MEP1A: variants seen among roughly 807,000 people sequenced by gnomAD.
MEP1A encodes the protein meprin A subunit alpha.
A neutral mutation model predicts 84.5 loss-of-function variants in MEP1A; 68 were observed. The ratio of observed to expected loss-of-function variants is 0.80; its 90% confidence interval spans 0.66 to 0.98. The LOEUF is 0.98. Ranked by LOEUF, MEP1A falls within the 50% of genes least tolerant of loss-of-function variation. The probability of loss-of-function intolerance (pLI) is 0.00; values close to 1 mark genes in which losing one functional copy is unlikely to be tolerated. For missense variants in MEP1A, 887 were observed against 919.9 expected (o/e 0.96, Z 0.46); for synonymous variants, 337 against 336.8 (o/e 1.00, Z -0.01).
intron 6 of MEP1A, among the ~76,000 whole-genome samples, chr6:46,813,009 A>G (rs1767541719): frequency 6.6e-6 from 1 of 151,976 alleles, no homozygotes; most frequent in African/African-American, 2.4e-5. Context: ...GTTAAAGTCC[A>G]TTGTTTCTTT....
chr6:46,818,317 G>A (rs1767687522), intron 6 of MEP1A, among the ~76,000 whole-genome samples: 1 of 152,132 alleles, frequency 6.6e-6, no homozygotes, highest in Non-Finnish European at 1.5e-5. Flanking sequence ...AGCCTTTGAA[G>A]GTATACTGTG....
At chr6:46,807,301 G>T (rs1457222547) in intron 5 of MEP1A, among the ~76,000 whole-genome samples, 1 of 151,678 alleles carries the variant, frequency 6.6e-6, no homozygotes, top group Non-Finnish European at 1.5e-5. Context: ...AGGGCAGTTG[G>T]CTAGGAACAA....
intron 7 of MEP1A, among the ~76,000 whole-genome samples, chr6:46,822,210 T>A (rs1280568296): frequency 6.6e-6 from 1 of 152,214 alleles, no homozygotes; most frequent in Admixed American, 6.5e-5. Context: ...GTTTAAGTAT[T>A]GTATATGGCT....
intron 7 of MEP1A, among the ~76,000 whole-genome samples, chr6:46,824,710 GATGTATTTAAATATATATAAATT>G (rs1413707865): frequency 2.6e-5 from 3 of 113,794 alleles, no homozygotes; most frequent in Admixed American, 9.3e-5. Context: ...TATTTAAATA[GATGTATTTAAATATATATAAATT>G]ATGTATTTAA....
chr6:46,797,428 A>T (rs1289696837), intron 3 of MEP1A, among the ~76,000 whole-genome samples: 2 of 152,238 alleles, frequency 1.3e-5, no homozygotes, highest in Non-Finnish European at 2.9e-5. Context: ...TGAGGCAAGG[A>T]TTAAGCAATA....
rs764871094 is a variant in MEP1A, at chr6:46,799,131, C to A, written c.212C>A (p.Pro71Gln). Residue 71 changes from proline (P) to glutamine (Q), a missense_variant, in exon 5 of 14, where the codon CCA becomes CAA. Coordinates refer to ENST00000230588, the MANE Select transcript of MEP1A (RefSeq NM_005588.3). ...AAATCCAGAAATGGCCTGAGAGACC[C>A]AAACACCAGGTGGACGTTCCCCATT... ...LQKSRNGLRD[P>Q]NTRWTFPIPY... 2 of 1,613,246 alleles carry A rather than the reference C, an allele frequency of 1.2e-6. No individual in the cohort carries two copies. Among genetic ancestry groups the A allele is most frequent in the East Asian group, 4.5e-5 (2 of 44,844 alleles).
At chr6:46,824,704 TA>T (rs1767867149) in intron 7 of MEP1A, among the ~76,000 whole-genome samples, 2 of 128,828 alleles carry the variant, frequency 1.6e-5, no homozygotes, top group African/African-American at 6.1e-5. Context: ...ATTATGTATT[TA>T]AATAGATGTA....
rs370281055 is a variant in MEP1A at position 46,798,632 on chromosome 6, G to A, written c.172G>A (p.Asp58Asn). The change falls in exon 4 of 14, where the codon GAC (aspartate) becomes AAC (asparagine). Residue 58 changes from aspartate to asparagine, a missense_variant. Transcript: ENST00000230588. ...TGCAGGCTTGGACCTCTTTCAAGGG[G>A]ACATCCTCTTGCAGGTGAGTACCTG... The part of the protein sequence containing the change: ...LAAGLDLFQG[D>N]ILLQKSRNGL... 1 of 1,613,966 alleles carries A rather than the reference G, an allele frequency of 6.2e-7. No individual in the cohort carries two copies. Among genetic ancestry groups the A allele is most frequent in the Admixed American group, 1.7e-5 (1 of 60,022 alleles).
chr6:46,800,520 G>A (rs929252289), intron 5 of MEP1A, among the ~76,000 whole-genome samples: 15 of 152,100 alleles, frequency 9.9e-5, no homozygotes, highest in African/African-American at 3.6e-4. Flanking sequence ...AGTGATTTGA[G>A]ACAAGTGAAC....
At chr6:46,807,836 AAAGGAAGAAAGG>A (rs1562107169) in intron 5 of MEP1A, among the ~76,000 whole-genome samples, 2 of 113,746 alleles carry the variant, frequency 1.8e-5, no homozygotes, top group Non-Finnish European at 4.1e-5. Flanking sequence ...AGAAAGAAAG[AAAGGAAGAAAGG>A]AAATAAATCA....
At chr6:46,807,512 T>TAAATAAATAAATAAAG (rs1231699927) in intron 5 of MEP1A, among the ~76,000 whole-genome samples, 1 of 49,526 alleles carries the variant, frequency 2.0e-5, no homozygotes, top group Non-Finnish European at 4.0e-5. Flanking sequence ...CCATCTGAAA[T>TAAATAAATAAATAAAG]AAAGAAAGAA....
At chr6:46,844,445 A>G (rs1469502517), downstream of MEP1A, among the ~76,000 whole-genome samples, 1 of 152,176 alleles carries the variant, frequency 6.6e-6, no homozygotes, top group African/African-American at 2.4e-5. Flanking sequence ...CTAGTCCTGG[A>G]ATCCCAGAAT....
At chr6:46,828,236 G>GTT (rs373814374) in intron 9 of MEP1A, among the ~76,000 whole-genome samples, 36,485 of 142,498 alleles carry the variant, frequency 0.26, 4,610 homozygotes, top group Admixed American at 0.3. Flanking sequence ...CTTGTGCGCT[G>GTT]TTTTTTTTTT....
chr6:46,804,836 C>T (rs1273783777), intron 5 of MEP1A, among the ~76,000 whole-genome samples: 1 of 151,718 alleles, frequency 6.6e-6, no homozygotes, highest in Non-Finnish European at 1.5e-5. Flanking sequence ...CCAAGTTATT[C>T]TCACTTTTCC....
intron 10 of MEP1A, among the ~76,000 whole-genome samples, chr6:46,832,483 T>A (rs934242605): frequency 2.6e-5 from 4 of 152,178 alleles, no homozygotes; most frequent in Non-Finnish European, 4.4e-5. Flanking sequence ...CAGACAATAG[T>A]ACTCTATTTG....
At chr6:46,842,518 G>C (rs1768352010), downstream of MEP1A, among the ~76,000 whole-genome samples, 1 of 152,124 alleles carries the variant, frequency 6.6e-6, no homozygotes. Flanking sequence ...GTACCCTCAG[G>C]CTTACTAGGA....
At chr6:46,822,617 C>T (rs1021428116) in intron 7 of MEP1A, among the ~76,000 whole-genome samples, 1 of 152,124 alleles carries the variant, frequency 6.6e-6, no homozygotes, top group Admixed American at 6.5e-5. Flanking sequence ...AATCTCAGCT[C>T]ACTACAACCT....
chr6:46,805,298 T>G (rs1050449771), intron 5 of MEP1A, among the ~76,000 whole-genome samples: 1 of 151,976 alleles, frequency 6.6e-6, no homozygotes, highest in Non-Finnish European at 1.5e-5. Context: ...GTTTACTCCA[T>G]GCCTTTGCTA....
In MEP1A at chr6:46,839,511, TG is replaced by T. The variant is rs1768293522; in HGVS notation, c.*376del. ...TTGTTGGCACTCAACAATGGTTGAA[TG>T]AATAAAACAATAAATGAATGAATAA... On this transcript the variant is annotated 3_prime_UTR_variant, in exon 14 of 14. Transcript: ENST00000230588. 6.3e-6 allele frequency: 1 copy of T among 159,696 alleles called. No individual in the cohort carries two copies. The highest frequency in any genetic ancestry group is 2.0e-4 in the South Asian group (1 of 4,918). The allele number at this position is 159,696 out of a possible 1,614,324, so 9.9% of individuals were successfully genotyped here. A position where few individuals can be genotyped will look rare whatever the true frequency, so the allele number is the denominator to read the frequency against.
Sources: allele counts gnomAD v4.1 joint callset (sites outside exome capture counted in the v4.1 genomes callset), GRCh38; gene constraint gnomAD v4.1.1; transcripts MANE v1.5; gene names NCBI Gene and HGNC (gene_info 2026-07-23, HGNC 2026-07-21).